Variants in MGA observed in about 807,000 individuals in gnomAD.
The protein encoded by MGA is MAX dimerization protein MGA, also known as MAX gene-associated protein.
Under a neutral mutation model 261.1 loss-of-function variants are expected in MGA, and 40 were observed. The observed-to-expected ratio is 0.15, with a 90% CI of 0.12 to 0.20. MGA has a LOEUF of 0.20. MGA is among the 10% of genes least tolerant of loss of function. MGA has a pLI of 1.00. For synonymous variants in MGA, 1,302 were observed against 1,290.6 expected (o/e 1.01, Z -0.19); for missense variants, 3,397 against 3,630.5 (o/e 0.94, Z 1.65).
chr15:41,750,587 A>C lies in MGA; in HGVS notation c.6980A>C (p.Gln2327Pro). Residue 2327 changes from glutamine (Q) to proline (P), a missense_variant, in exon 17 of 24, where the codon CAG becomes CCG. By Grantham distance (76) the Gln-to-Pro change is moderately conservative. Around this residue, in one of 9 missense-constraint regions of MGA, gnomAD observed 1,410 missense variants for 1,386.4 expected, o/e 1.02. Coordinates refer to ENST00000219905, the MANE Select transcript of MGA (RefSeq NM_001164273.2). Reference sequence around the variant, plus strand: ...ATTGTGGATGTTGTTTCTGACTACCAGAGTGAGGAGGTTGATGATGTAGAA... The same window carrying C: ...ATTGTGGATGTTGTTTCTGACTACCCGAGTGAGGAGGTTGATGATGTAGAA... The C allele has an allele frequency of 6.2e-7, 1 of 1,609,804 alleles. No homozygotes were observed. Among genetic ancestry groups the C allele is most frequent in the Non-Finnish European group, 8.5e-7 (1 of 1,177,996 alleles).
At chr15:41,716,954 G>A (rs959138054) in intron 9 of MGA, among the ~76,000 whole-genome samples, 3 of 151,978 alleles carry the variant, frequency 2.0e-5, no homozygotes, top group African/African-American at 7.3e-5. Context: ...AAAAAGATGG[G>A]TAACATTATT....
chr15:41,640,072 A>G (rs2056790639), intron 1 of MGA, among the ~76,000 whole-genome samples: 1 of 152,190 alleles, frequency 6.6e-6, no homozygotes, highest in Admixed American at 6.5e-5. Flanking sequence ...CAAGGGCATC[A>G]AGGCAGGCTT....
In MGA at chr15:41,718,839, A is replaced by G. The variant is rs185630221; in HGVS notation, c.3430+5343A>G. ...GATAAAAGACTTATTGTTCTCTCCC[A>G]AAGACTGGGAATGAGGAAGAATGCC... On this transcript the variant is annotated intron_variant, in intron 9 of 23. Coordinates refer to ENST00000219905, the MANE Select transcript of MGA (RefSeq NM_001164273.2). Among the ~76,000 whole-genome samples the G allele has an allele frequency of 3.9e-5, 6 of 152,336 alleles. No individual in the cohort carries two copies. The East Asian group carries it at 1.2e-3, about 29-fold the overall frequency.
Position 41,626,523 on chromosome 15 carries a change from A to G in MGA, c.-68+5225A>G, listed in dbSNP as rs971370364. Among the ~76,000 whole-genome samples, 18 of 152,222 alleles carry G rather than the reference A, an allele frequency of 1.2e-4. 1 individual carries two copies. The highest frequency in any genetic ancestry group is 4.1e-4 in the African/African-American group (17 of 41,550). ...CTGCAATCTCTGCCTCCCGGGTTCA[A>G]GTGATTCTCCTGCCTCAGCCTCCTG... is the stretch of plus-strand genomic sequence containing the variant. On this transcript the variant is annotated intron_variant, in intron 1 of 8. Coordinates refer to the MGA transcript ENST00000566718.
intron 5 of MGA, among the ~76,000 whole-genome samples, chr15:41,702,935 C>T (rs886516848): frequency 1.5e-5 from 1 of 68,628 alleles, no homozygotes; most frequent in Non-Finnish European, 4.2e-5. Context: ...CAGAGAATAC[C>T]TATTTTTTTT....
rs576152982 is a variant in MGA, at chr15:41,643,561, A to AT, written c.-68+22270dup. Reference sequence around the variant, plus strand: ...GGCCCTGGCTCCCATTTTTAAAGTGATTTTTTTGTTGTTGAGTTGTAGGAG... The same window carrying AT: ...GGCCCTGGCTCCCATTTTTAAAGTGATTTTTTTTGTTGTTGAGTTGTAGGAG... On this transcript the variant is annotated intron_variant, in intron 1 of 8. Transcript: ENST00000566718. Among the ~76,000 whole-genome samples the AT allele has an allele frequency of 3.4e-3, 516 of 151,702 alleles. 2 individuals carry two copies. The highest frequency in any genetic ancestry group is 5.9e-3 in the Non-Finnish European group (402 of 67,920).
In MGA at chr15:41,737,403, C is replaced by T. The variant is rs972357701; in HGVS notation, c.4434+705C>T. 2.0e-4 allele frequency among the ~76,000 whole-genome samples: 31 copies of T among 151,726 alleles called. 1 individual carries two copies. On this transcript the variant is annotated intron_variant, in intron 13 of 23. Transcript: ENST00000219905. ...CTTCTGAGCTCAGGTGATCCACCCA[C>T]CTTGGCCTCCCAAAGTGCTAGGATT...
chr15:41,704,768 A>G (rs2060024083), intron 5 of MGA, among the ~76,000 whole-genome samples: 1 of 152,222 alleles, frequency 6.6e-6, no homozygotes, highest in African/African-American at 2.4e-5. Context: ...AACTATAAAC[A>G]TCTTGAGTGT....
At chr15:41,752,872 T>C (rs2062926067) in intron 17 of MGA, among the ~76,000 whole-genome samples, 2 of 152,318 alleles carry the variant, frequency 1.3e-5, no homozygotes, top group South Asian at 4.1e-4. Flanking sequence ...AGTATCTTAA[T>C]CATACAAGGA....
rs928001573 is a variant in MGA at position 41,737,084 on chromosome 15, C to T, written c.4434+386C>T. Among the ~76,000 whole-genome samples, 3 of 151,898 alleles carry T rather than the reference C, an allele frequency of 2.0e-5. No individual in the cohort carries two copies. The East Asian group carries it at 5.8e-4, about 29-fold the overall frequency. On this transcript the variant is annotated intron_variant, in intron 13 of 23. Coordinates refer to ENST00000219905, the MANE Select transcript of MGA (RefSeq NM_001164273.2). The stretch of plus-strand genomic sequence containing the variant: ...TTTCAAAACAAAACCATGGTTAGAA[C>T]GGTAGGTGTAAGGGGAAGATGAAAT...
At chr15:41,752,707 C>G (rs1349381672) in intron 17 of MGA, among the ~76,000 whole-genome samples, 3 of 152,028 alleles carry the variant, frequency 2.0e-5, no homozygotes. Context: ...AGGTGGGCAC[C>G]ACCATGCCCA....
At position 41,742,945 on chromosome 15, in the gene MGA, A is replaced by G. The variant is rs749978394; in HGVS notation, c.4985A>G (p.Lys1662Arg). The G allele has an allele frequency of 5.6e-6, 9 of 1,613,836 alleles. No individual in the cohort carries two copies. The highest frequency in any genetic ancestry group is 2.7e-5 in the African/African-American group (2 of 74,912). ...TCTACAGCCACTGTGAACCTTACCAAAACCACTGGGATAACTACCCCTGTG... is the reference window on the plus strand; with the variant it reads ...TCTACAGCCACTGTGAACCTTACCAGAACCACTGGGATAACTACCCCTGTG... The change falls in exon 15 of 24, where the codon AAA becomes AGA. Residue 1662 changes from lysine to arginine, a missense_variant. By Grantham distance (26) the Lys-to-Arg change is conservative. Around this residue, in one of 9 missense-constraint regions of MGA, gnomAD observed 1,410 missense variants for 1,386.4 expected, o/e 1.02. Coordinates refer to ENST00000219905, the MANE Select transcript of MGA (RefSeq NM_001164273.2).
rs538776351 is a variant in MGA, at chr15:41,683,576, AT to A, written c.1065-12480del. On this transcript the variant is annotated intron_variant, in intron 2 of 23. Transcript: ENST00000219905. Reference sequence around the variant, plus strand: ...TCTTTGTTCTATTAATGAATCCCCAATTTTTTTTTTTTTTTTTTTGGAGATA... The same window carrying A: ...TCTTTGTTCTATTAATGAATCCCCAATTTTTTTTTTTTTTTTTTGGAGATA... Among the ~76,000 whole-genome samples, 327 of 126,888 alleles carry A rather than the reference AT, an allele frequency of 2.6e-3. 4 individuals are homozygous for A. The highest frequency in any genetic ancestry group is 3.9e-3 in the African/African-American group (135 of 34,180). The allele number at this position is 126,888 out of a possible 152,430, so 83.2% of individuals were successfully genotyped here.
At chr15:41,662,341 C>T (rs2057463262) in intron 1 of MGA, among the ~76,000 whole-genome samples, 1 of 152,110 alleles carries the variant, frequency 6.6e-6, no homozygotes, top group Non-Finnish European at 1.5e-5. Flanking sequence ...AGTTAGGGTC[C>T]ATTCTTAGGA....
chr15:41,728,158 C>T (rs550398465), intron 10 of MGA, among the ~76,000 whole-genome samples: 5 of 151,992 alleles, frequency 3.3e-5, no homozygotes, highest in Admixed American at 1.3e-4. Context: ...GGTGAAACCC[C>T]GCCTCTACTA....
upstream of MGA, among the ~76,000 whole-genome samples, chr15:41,658,669 C>T (rs1162241421): frequency 4.0e-5 from 6 of 151,682 alleles, no homozygotes; most frequent in African/African-American, 7.3e-5. Context: ...CCTCTCCCAC[C>T]GAGATCTGTA....
intron 10 of MGA, 50 bp downstream of exon 10, chr15:41,727,456 A>T (rs757507318): frequency 9.1e-6 from 14 of 1,536,172 alleles, no homozygotes; most frequent in Non-Finnish European, 1.2e-5. Context: ...GTCATGTGTA[A>T]AGATGGTGTG....
intron 1 of MGA, among the ~76,000 whole-genome samples, chr15:41,629,764 G>A (rs1204787112): frequency 3.9e-5 from 6 of 152,066 alleles, no homozygotes; most frequent in Non-Finnish European, 8.8e-5. Context: ...CATGTAACTG[G>A]TTAGGTCAGC....
upstream of MGA, among the ~76,000 whole-genome samples, chr15:41,656,369 T>TCTCTCCTCTCTCTCTCTCTCTCTC: frequency 2.3e-5 from 3 of 128,954 alleles, no homozygotes; most frequent in East Asian, 2.2e-4. Context: ...TCTCTCTCTC[T>TCTCTCCTCTCTCTCTCTCTCTCTC]CTCTCTCTCA....
Sources: gnomAD v4.1 joint callset for allele counts (sites outside exome capture counted in the v4.1 genomes callset) on GRCh38, gnomAD v4.1.1 for gene constraint, gnomAD v4.1.1 regional missense constraint, MANE v1.5 for transcripts, NCBI Gene and HGNC (gene_info 2026-07-23, HGNC 2026-07-21) for gene names.